Variants in GPHN observed in about 807,000 individuals in gnomAD.
The protein encoded by GPHN is gephyrin.
GPHN carries 17 observed loss-of-function variants against 95.5 expected under a neutral mutation model. That is an observed-to-expected ratio of 0.18 (90% CI 0.12 to 0.27). The LOEUF (loss-of-function observed/expected upper bound fraction) is 0.27, where lower values mean the gene tolerates loss of function less well. Ranked by LOEUF, GPHN falls within the 10% of genes least tolerant of loss-of-function variation. The pLI, the probability that GPHN is intolerant of heterozygous loss-of-function variation, is 1.00. For synonymous variants in GPHN, 320 were observed against 322.5 expected (o/e 0.99, Z 0.08); for missense variants, 660 against 978.1 (o/e 0.67, Z 4.34).
intron 10 of GPHN, among the ~76,000 whole-genome samples, chr14:67,057,086 G>T (rs1420819606): frequency 6.6e-6 from 1 of 152,146 alleles, no homozygotes; most frequent in South Asian, 2.1e-4. Context: ...TGCAAGCAGA[G>T]GGAGCCGGCT....
intron 8 of GPHN, 43 bp from the exon 9 acceptor site, chr14:66,965,148 G>C (rs374085669): frequency 4.5e-6 from 7 of 1,555,554 alleles, no homozygotes; most frequent in Non-Finnish European, 6.2e-6. Flanking sequence ...ACATGTTATT[G>C]ACATTTTCAG....
At chr14:67,550,279 C>CCG in the GPHN span, among the ~76,000 whole-genome samples, 1 of 152,164 alleles carries the variant, frequency 6.6e-6, no homozygotes, top group Non-Finnish European at 1.5e-5. Context: ...ACCTCTGCCC[C>CCG]CGAGGCTCAA....
At chr14:67,585,850 G>A in the GPHN span, 1 of 1,268,644 alleles carries the variant, frequency 7.9e-7, no homozygotes, top group Non-Finnish European at 1.1e-6. Context: ...GACCACTTGG[G>A]AGTTCTCCTT....
chr14:67,218,014 C>T, the GPHN span, among the ~76,000 whole-genome samples: 23,895 of 151,984 alleles, frequency 0.16, 3,552 homozygotes, highest in East Asian at 0.42. Flanking sequence ...GTGGATGCAA[C>T]AGTGTAGTCT....
intron 21 of GPHN, among the ~76,000 whole-genome samples, chr14:67,172,761 C>A (rs572866441): frequency 6.6e-6 from 1 of 152,154 alleles, no homozygotes; most frequent in African/African-American, 2.4e-5. Flanking sequence ...ATTGCCCCCA[C>A]CCCAGGGCCC....
intron 5 of GPHN, among the ~76,000 whole-genome samples, chr14:66,884,146 CT>C (rs1220668220): frequency 1.3e-5 from 2 of 151,822 alleles, no homozygotes; most frequent in Admixed American, 6.6e-5. Flanking sequence ...ATATCGGCTC[CT>C]TTTTTTTGTT....
At chr14:66,623,178 AAG>A (rs529100856) in intron 1 of GPHN, among the ~76,000 whole-genome samples, 1 of 152,172 alleles carries the variant, frequency 6.6e-6, no homozygotes, top group Non-Finnish European at 1.5e-5. Flanking sequence ...GCAGTGGACA[AAG>A]AGAGAACTTG....
the GPHN span, among the ~76,000 whole-genome samples, chr14:67,304,404 T>C: frequency 2.0e-5 from 3 of 152,330 alleles, no homozygotes; most frequent in Admixed American, 6.5e-5. Context: ...CAAATGTCTG[T>C]CAGGTGATGA....
At position 66,650,784 on chromosome 14, in the gene GPHN, A is replaced by T. The variant is rs192114418; in HGVS notation, c.65-30323A>T. Among the ~76,000 whole-genome samples, 5 of 152,286 alleles carry T rather than the reference A, an allele frequency of 3.3e-5. 1 individual carries two copies. Among genetic ancestry groups the T allele is most frequent in the African/African-American group, 1.2e-4 (5 of 41,570 alleles). On this transcript the variant is annotated intron_variant, in intron 1 of 22. Transcript: ENST00000478722. ...GAATGATTACATATCAGGAAAACGAAACTGGTCATTTTCTGTCAGCATATG... is the reference window on the plus strand; with the variant it reads ...GAATGATTACATATCAGGAAAACGATACTGGTCATTTTCTGTCAGCATATG...
intron 1 of GPHN, among the ~76,000 whole-genome samples, chr14:66,620,950 A>T (rs1390940092): frequency 6.6e-6 from 1 of 152,150 alleles, no homozygotes; most frequent in African/African-American, 2.4e-5. Flanking sequence ...GCCAGTCCCA[A>T]ATCCAGCAGG....
chr14:66,875,300 A>G (rs929100593), intron 4 of GPHN, among the ~76,000 whole-genome samples: 6 of 152,126 alleles, frequency 3.9e-5, no homozygotes, highest in Admixed American at 1.3e-4. Flanking sequence ...CTACTGCAAA[A>G]ACATAGCTAA....
the GPHN span, chr14:67,471,921 G>T: frequency 6.6e-6 from 1 of 152,150 alleles, no homozygotes; most frequent in Admixed American, 6.5e-5. Context: ...GTACCATGGG[G>T]TGGGCCACTT....
chr14:66,777,966 C>G (rs951213720), intron 3 of GPHN, among the ~76,000 whole-genome samples: 15 of 152,240 alleles, frequency 9.9e-5, no homozygotes, highest in Admixed American at 8.5e-4. Flanking sequence ...GTTGGAAGTT[C>G]TGGCCAGGGC....
At position 66,547,782 on chromosome 14, in the gene GPHN, C is replaced by T. The variant is rs140518660; in HGVS notation, c.64+39191C>T. ...TGTTCTGAGGCATTTATGCTGGGTT[C>T]ATGTACTGGTGTGCATACCATACAT... On this transcript the variant is annotated intron_variant, in intron 1 of 22. Transcript: ENST00000478722. Among the ~76,000 whole-genome samples the T allele has an allele frequency of 2.1e-4, 32 of 152,304 alleles. 2 individuals carry two copies. The East Asian group carries it at 6.2e-3, about 29-fold the overall frequency.
the GPHN span, among the ~76,000 whole-genome samples, chr14:67,324,344 C>T: frequency 6.6e-6 from 1 of 152,252 alleles, no homozygotes; most frequent in African/African-American, 2.4e-5. Flanking sequence ...ATTAATAAGA[C>T]AGCATTGACT....
chr14:67,356,026 C>A, the GPHN span, among the ~76,000 whole-genome samples: 23,536 of 151,756 alleles, frequency 0.16, 3,448 homozygotes, highest in East Asian at 0.42. Flanking sequence ...TAATAAAATT[C>A]AACAATAAGG....
At chr14:66,575,812 C>A (rs1025311198) in intron 1 of GPHN, among the ~76,000 whole-genome samples, 1 of 151,956 alleles carries the variant, frequency 6.6e-6, no homozygotes, top group Non-Finnish European at 1.5e-5. Flanking sequence ...TGGGGTAGGC[C>A]TGGTGTCTGG....
At chr14:67,367,431 A>G in the GPHN span, among the ~76,000 whole-genome samples, 12 of 151,692 alleles carry the variant, frequency 7.9e-5, no homozygotes, top group Non-Finnish European at 1.8e-4. Flanking sequence ...GGGTTTCACC[A>G]TGTTGGCCAG....
At chr14:67,340,776 T>C in the GPHN span, among the ~76,000 whole-genome samples, 5 of 152,096 alleles carry the variant, frequency 3.3e-5, no homozygotes, top group African/African-American at 4.8e-5. Context: ...CCTCCCTGCC[T>C]GATTCTCCTG....
Sources: allele counts gnomAD v4.1 joint callset (sites outside exome capture counted in the v4.1 genomes callset), GRCh38; gene constraint gnomAD v4.1.1; transcripts MANE v1.5; gene names NCBI Gene and HGNC (gene_info 2026-07-23, HGNC 2026-07-21).